The following LOXHD1 variants were observed in gnomAD, a reference collection of about 807,000 sequenced individuals.
The protein encoded by LOXHD1 is lipoxygenase homology domain-containing protein 1.
Under a neutral mutation model 248.2 loss-of-function variants are expected in LOXHD1, and 205 were observed. That is an observed-to-expected ratio of 0.83 (90% CI 0.74 to 0.93). The LOEUF is 0.93. LOXHD1 is among the 40% of genes least tolerant of loss of function. LOXHD1 has a pLI of 0.00. For missense variants in LOXHD1, 2,930 were observed against 2,971.6 expected (o/e 0.99, Z 0.33); for synonymous variants, 1,113 against 1,162.8 (o/e 0.96, Z 0.87).
chr18:46,559,635 C>G, intron 19 of LOXHD1, 33 bp from the exon 20 acceptor site: 3 of 1,548,344 alleles, frequency 1.9e-6, no homozygotes, highest in Non-Finnish European at 1.7e-6. Flanking sequence ...TGTGGAGGGC[C>G]TCATGGCCAT....
intron 21 of LOXHD1, among the ~76,000 whole-genome samples, chr18:46,548,831 T>A (rs956420248): frequency 6.6e-5 from 10 of 152,118 alleles, no homozygotes; most frequent in African/African-American, 2.4e-4. Context: ...CTCCCATGCA[T>A]ACAAAGAGAA....
chr18:46,541,370 C>T (rs574188429), intron 25 of LOXHD1, among the ~76,000 whole-genome samples: 58 of 152,216 alleles, frequency 3.8e-4, no homozygotes, highest in African/African-American at 1.3e-3. Flanking sequence ...ATACTGCTGA[C>T]TTATTTGGCA....
At chr18:46,515,852 G>A (rs1339460785) in intron 34 of LOXHD1, among the ~76,000 whole-genome samples, 1 of 152,168 alleles carries the variant, frequency 6.6e-6, no homozygotes, top group Non-Finnish European at 1.5e-5. Flanking sequence ...TCAGGACTTG[G>A]GCAATGGCCC....
At chr18:46,564,254 T>C (rs1599008908) in intron 17 of LOXHD1, among the ~76,000 whole-genome samples, 1 of 152,154 alleles carries the variant, frequency 6.6e-6, no homozygotes, top group East Asian at 1.9e-4. Context: ...GGCACGGTGG[T>C]TCAGGCCTGT....
chr18:46,546,754 A>T, intron 22 of LOXHD1, 141 bp downstream of exon 22: 2 of 941,178 alleles, frequency 2.1e-6, no homozygotes, highest in East Asian at 2.7e-5. Flanking sequence ...GCCACAGAGG[A>T]ATGAGAGGGC....
chr18:46,590,312 G>A (rs569578963), intron 12 of LOXHD1, among the ~76,000 whole-genome samples: 3 of 152,268 alleles, frequency 2.0e-5, no homozygotes, highest in East Asian at 1.9e-4. Context: ...TTAGCAGACC[G>A]GAAAGGATTC....
rs886053833 is a variant in LOXHD1, at chr18:46,563,195, C to G, written c.2468G>C (p.Gly823Ala). 8 of 1,521,294 alleles carry G rather than the reference C, an allele frequency of 5.3e-6. No individual in the cohort carries two copies. In the Middle Eastern group the frequency reaches 5.1e-4, roughly 97 times the overall value. The allele number at this position is 1,521,294 out of a possible 1,614,324, so 94.2% of individuals were successfully genotyped here. Reference protein sequence around the residue: ...LVHYEVEIWTGDVGGAGTSAR... With the variant: ...LVHYEVEIWTADVGGAGTSAR... ...ACTGGTGCCTGCGCCACCCACATCT[C>G]CTGTCCAAATCTCAACCTCATAGTG... is the stretch of plus-strand genomic sequence containing the variant. Residue 823 changes from glycine (G) to alanine (A), a missense_variant, in exon 18 of 41, where the codon GGA becomes GCA. Transcript: ENST00000642948.
Position 46,541,794 on chromosome 18 carries a change from T to C in LOXHD1, c.3895A>G (p.Thr1299Ala). Residue 1299 changes from threonine to alanine, a missense_variant, in exon 25 of 41, where the codon ACG becomes GCG. Physicochemically the swap from Thr to Ala is moderately conservative, Grantham distance 58. Coordinates refer to ENST00000642948, the MANE Select transcript of LOXHD1 (RefSeq NM_001384474.1). Reference protein sequence around the residue: ...IRDLFHAELQTRLYTPFVPYE... With the variant: ...IRDLFHAELQARLYTPFVPYE... ...TTCCTACATGGTGTGTACAGCCTCG[T>C]CTGAAGCTCTGCATGGAAGAGGTCT... is the stretch of plus-strand genomic sequence containing the variant. 6.4e-7 allele frequency: 1 copy of C among 1,551,694 alleles called. No individual in the cohort carries two copies. The highest frequency in any genetic ancestry group is 8.7e-7 in the Non-Finnish European group (1 of 1,146,990).
At chr18:46,649,887 G>A (rs761837311) in intron 1 of LOXHD1, among the ~76,000 whole-genome samples, 1 of 152,114 alleles carries the variant, frequency 6.6e-6, no homozygotes, top group Admixed American at 6.5e-5. Flanking sequence ...ACTTCCTGGA[G>A]AGAGAAGGCA....
At chr18:46,487,288 C>G (rs1345375201) in intron 38 of LOXHD1, among the ~76,000 whole-genome samples, 1 of 152,184 alleles carries the variant, frequency 6.6e-6, no homozygotes, top group Non-Finnish European at 1.5e-5. Flanking sequence ...TGCCTTCATC[C>G]TGGGCATGGC....
At chr18:46,585,168 T>C (rs2038036354) in intron 12 of LOXHD1, among the ~76,000 whole-genome samples, 1 of 152,118 alleles carries the variant, frequency 6.6e-6, no homozygotes, top group Non-Finnish European at 1.5e-5. Context: ...AAACGAGTCA[T>C]CTCTTGTATT....
chr18:46,576,867 A>T lies in LOXHD1; in HGVS notation c.1970+840T>A, dbSNP rs192708501. Among the ~76,000 whole-genome samples the T allele has an allele frequency of 5.3e-5, 8 of 152,282 alleles. No homozygotes were observed. The East Asian group carries it at 1.5e-3, about 29-fold the overall frequency. ...TAGGCACAGGCATGCATGTGAGTACATCTGCGTTCATGGTAAGAGGAAGAG... is the reference window on the plus strand; with the variant it reads ...TAGGCACAGGCATGCATGTGAGTACTTCTGCGTTCATGGTAAGAGGAAGAG... On this transcript the variant is annotated intron_variant, in intron 14 of 40. Transcript: ENST00000642948.
chr18:46,530,280 G>A (rs982801827), intron 28 of LOXHD1, among the ~76,000 whole-genome samples: 1 of 152,150 alleles, frequency 6.6e-6, no homozygotes, highest in Non-Finnish European at 1.5e-5. Flanking sequence ...GTGAGGATTC[G>A]GGAGTATTCG....
At chr18:46,581,419 G>A (rs1302158218) in intron 12 of LOXHD1, among the ~76,000 whole-genome samples, 2 of 152,124 alleles carry the variant, frequency 1.3e-5, no homozygotes, top group Non-Finnish European at 2.9e-5. Context: ...AGTCTTGGGG[G>A]AAGGATAGGT....
chr18:46,583,846 CAAAA>C (rs71162810), intron 12 of LOXHD1, among the ~76,000 whole-genome samples: 1 of 150,358 alleles, frequency 6.7e-6, no homozygotes, highest in Non-Finnish European at 1.5e-5. Flanking sequence ...GGTATATATC[CAAAA>C]AAAAAAAATG....
rs2144371667 is a variant in LOXHD1, at chr18:46,542,817, T to G, written c.3658A>C (p.Lys1220Gln). 8 of 1,551,668 alleles carry G rather than the reference T, an allele frequency of 5.2e-6. No individual in the cohort carries two copies. Among genetic ancestry groups the G allele is most frequent in the Non-Finnish European group, 7.0e-6 (8 of 1,146,992 alleles). ...LLKSSKTNSD[K>Q]FERDSIEIFT... Reference sequence around the variant, plus strand: ...ATTTCAATGCTGTCCCTCTCAAACTTATCGCTGTTTGTCTTGGAGGACTTC... The same window carrying G: ...ATTTCAATGCTGTCCCTCTCAAACTGATCGCTGTTTGTCTTGGAGGACTTC... Residue 1220 changes from lysine (K) to glutamine (Q), a missense_variant, in exon 24 of 41, where the codon AAG becomes CAG. Coordinates refer to ENST00000642948, the MANE Select transcript of LOXHD1 (RefSeq NM_001384474.1).
intron 12 of LOXHD1, among the ~76,000 whole-genome samples, chr18:46,583,679 A>C (rs368419763): frequency 6.6e-5 from 10 of 152,282 alleles, no homozygotes; most frequent in African/African-American, 2.4e-4. Context: ...ATCATCAAAA[A>C]AACAAAAGAA....
In LOXHD1 at chr18:46,649,181, G is replaced by A. The variant is rs1380722625; in HGVS notation, c.219C>T (p.Leu73=). ...TGCTGGTGAGCTGGAGCTTGGGAGA[G>A]AGCCCATTCTCTCCAAAAAGCGTGA... The part of the protein sequence containing the change: ...VFITLFGENG[L]SPKLQLTSKS... The change falls in exon 2 of 41, where the codon CTC becomes CTT. Residue 73 remains leucine (L), a synonymous_variant. Coordinates refer to ENST00000642948, the MANE Select transcript of LOXHD1 (RefSeq NM_001384474.1). The A allele has an allele frequency of 6.4e-7, 1 of 1,551,722 alleles. No individual in the cohort carries two copies. Among genetic ancestry groups the A allele is most frequent in the Admixed American group, 2.0e-5 (1 of 51,012 alleles).
At chr18:46,489,189 T>C in intron 37 of LOXHD1, 47 bp from the exon 38 acceptor site, 3 of 1,540,892 alleles carry the variant, frequency 1.9e-6, no homozygotes, top group Non-Finnish European at 2.6e-6. Flanking sequence ...GTGCCTTCCC[T>C]CCCCTTTCAG....
Sources: gnomAD v4.1 joint callset for allele counts (sites outside exome capture counted in the v4.1 genomes callset) on GRCh38, gnomAD v4.1.1 for gene constraint, MANE v1.5 for transcripts, NCBI Gene and HGNC (gene_info 2026-07-23, HGNC 2026-07-21) for gene names.